Variants in RYR3 observed in about 807,000 individuals in gnomAD.
The protein encoded by RYR3 is ryanodine receptor 3.
In RYR3, 207 loss-of-function variants were observed where a neutral mutation model predicts 584.3. That is an observed-to-expected ratio of 0.35 (90% confidence interval 0.32 to 0.40). The LOEUF is 0.40. Ranked by LOEUF, RYR3 falls within the 10% of genes least tolerant of loss-of-function variation. The probability of loss-of-function intolerance (pLI) is 1.00; values close to 1 mark genes in which losing one functional copy is unlikely to be tolerated. For missense variants in RYR3, 5,616 were observed against 6,089.2 expected (o/e 0.92, Z 2.59); for synonymous variants, 2,416 against 2,248.5 (o/e 1.07, Z -2.11).
intron 4 of RYR3, among the ~76,000 whole-genome samples, chr15:33,532,303 A>G (rs2054948651): frequency 6.6e-6 from 1 of 152,196 alleles, no homozygotes; most frequent in Admixed American, 6.5e-5. Flanking sequence ...TATCTTTATA[A>G]TAAGAAAAAG....
At chr15:33,646,079 C>A (rs1438511997) in intron 28 of RYR3, among the ~76,000 whole-genome samples, 1 of 152,184 alleles carries the variant, frequency 6.6e-6, no homozygotes, top group South Asian at 2.1e-4. Context: ...GATGCCACCC[C>A]CCTCTGGCAT....
chr15:33,714,123 CCA>C (rs2067318080), intron 43 of RYR3, among the ~76,000 whole-genome samples: 1 of 152,082 alleles, frequency 6.6e-6, no homozygotes. Context: ...CAGTTTGACT[CCA>C]GAGGCCACAG....
intron 1 of RYR3, among the ~76,000 whole-genome samples, chr15:33,425,883 C>T (rs1479621394): frequency 6.6e-6 from 1 of 152,038 alleles, no homozygotes; most frequent in Non-Finnish European, 1.5e-5. Context: ...ACCTCGTGAT[C>T]CGCCCGCCTT....
chr15:33,800,805 A>T lies in RYR3; in HGVS notation c.9866A>T (p.Asp3289Val). ...NWLKSPDADS[D>V]QLFRMVAEVF... is the part of the protein sequence containing the mutation. ...CTGAAAAGTCCTGATGCTGATTCTG[A>T]CCAGCTCTTCCGCATGGTGGCAGAA... Residue 3289 changes from aspartate (D) to valine (V), a missense_variant, in exon 68 of 104, where the codon GAC becomes GTC. Transcript: ENST00000634891. 4 of 1,613,858 alleles carry T rather than the reference A, an allele frequency of 2.5e-6. No individual in the cohort carries two copies. Among genetic ancestry groups the T allele is most frequent in the African/African-American group, 1.3e-5 (1 of 75,038 alleles).
chr15:33,669,516 CT>C, intron 37 of RYR3, 60 bp downstream of exon 37: 1 of 1,450,092 alleles, frequency 6.9e-7, no homozygotes, highest in Non-Finnish European at 9.7e-7. Context: ...TTTTTGATTC[CT>C]TCATTAGAAA....
intron 2 of RYR3, among the ~76,000 whole-genome samples, chr15:33,475,079 T>C (rs2049262351): frequency 6.6e-6 from 1 of 152,170 alleles, no homozygotes; most frequent in East Asian, 1.9e-4. Context: ...TGTTTTTCAT[T>C]CCCGGCAGTC....
chr15:33,505,514 C>T (rs1396729491), intron 3 of RYR3, among the ~76,000 whole-genome samples: 1 of 152,142 alleles, frequency 6.6e-6, no homozygotes, highest in Admixed American at 6.5e-5. Context: ...GTTGTTGAGA[C>T]GGAGTCTTGC....
chr15:33,807,033 G>A (rs141884550), intron 69 of RYR3, among the ~76,000 whole-genome samples: 2 of 151,988 alleles, frequency 1.3e-5, no homozygotes, highest in African/African-American at 4.8e-5. Context: ...TGACAGGCAT[G>A]AGCCACTGTG....
intron 18 of RYR3, among the ~76,000 whole-genome samples, chr15:33,609,128 C>T (rs1348610155): frequency 6.6e-6 from 1 of 152,164 alleles, no homozygotes; most frequent in African/African-American, 2.4e-5. Flanking sequence ...GCAGTTTTGT[C>T]CCAGTTTGTA....
chr15:33,374,640 T>C (rs573428451), intron 1 of RYR3, among the ~76,000 whole-genome samples: 1 of 152,178 alleles, frequency 6.6e-6, no homozygotes, highest in Non-Finnish European at 1.5e-5. Flanking sequence ...CTGAATTTAA[T>C]CTCATTGGGG....
intron 3 of RYR3, among the ~76,000 whole-genome samples, chr15:33,523,348 C>A (rs1044248731): frequency 6.6e-6 from 1 of 152,132 alleles, no homozygotes; most frequent in Non-Finnish European, 1.5e-5. Context: ...TCTTTGGGTC[C>A]ACACTACCTT....
chr15:33,824,797 C>G (rs965792914), intron 81 of RYR3, among the ~76,000 whole-genome samples: 2 of 152,162 alleles, frequency 1.3e-5, no homozygotes, highest in Non-Finnish European at 2.9e-5. Flanking sequence ...TTCCTAAGAG[C>G]TATGTTCTAT....
In RYR3 at chr15:33,535,617, A is replaced by G. The variant is rs183128452; in HGVS notation, c.433+2228A>G. On this transcript the variant is annotated intron_variant, in intron 5 of 103. Coordinates refer to ENST00000634891, the MANE Select transcript of RYR3 (RefSeq NM_001036.6). ...AAGAATATGATCAGAAAAGTCAAAT[A>G]TGGTCACTGTATTTATATCAGTAAA... 6.5e-4 allele frequency among the ~76,000 whole-genome samples: 99 copies of G among 152,362 alleles called. 1 individual carries two copies. The highest frequency in any genetic ancestry group is 1.0e-4 in the Non-Finnish European group (7 of 68,038).
At chr15:33,611,322 C>T (rs1005527525) in intron 18 of RYR3, among the ~76,000 whole-genome samples, 11 of 151,988 alleles carry the variant, frequency 7.2e-5, no homozygotes, top group African/African-American at 1.2e-4. Flanking sequence ...TTTGGGAAGC[C>T]AAGGCAGGCA....
At chr15:33,853,182 G>A in intron 95 of RYR3, 95 bp downstream of exon 95, 1 of 1,088,008 alleles carries the variant, frequency 9.2e-7, no homozygotes, top group Non-Finnish European at 1.3e-6. Flanking sequence ...TAAATGTGAT[G>A]CTACTTTTAT....
Position 33,373,543 on chromosome 15 carries a change from G to T in RYR3, c.51+62447G>T, listed in dbSNP as rs62013805. On this transcript the variant is annotated intron_variant, in intron 1 of 103. Transcript: ENST00000634891. ...TTGTTATTAGAATACACCACAGAGT[G>T]GAACCTCAATATATATTTCTAGGCA... Among the ~76,000 whole-genome samples, 1,275 of 152,290 alleles carry T rather than the reference G, an allele frequency of 8.4e-3. 8 individuals are homozygous for T. The highest frequency in any genetic ancestry group is 0.014 in the Non-Finnish European group (919 of 68,026).
chr15:33,317,018 A>G (rs1006456151), intron 1 of RYR3, among the ~76,000 whole-genome samples: 1 of 152,200 alleles, frequency 6.6e-6, no homozygotes, highest in African/African-American at 2.4e-5. Flanking sequence ...GATAATCTTC[A>G]AAAGGCCAGG....
At chr15:33,597,550 G>C (rs1374777106) in intron 16 of RYR3, among the ~76,000 whole-genome samples, 5 of 151,360 alleles carry the variant, frequency 3.3e-5, no homozygotes, top group African/African-American at 7.3e-5. Flanking sequence ...GGCGGAGGTT[G>C]CAGTGAGCCA....
rs774923611 is a variant in RYR3, at chr15:33,748,072, G to A, written c.7990-42G>A. On this transcript the variant is annotated intron_variant, in intron 53 of 103. Transcript: ENST00000634891. ...CGGAGATGGGCCAGGGAGAATGCTGGGGTGTGTTCTGCAAAGTGCTTCTGC... is the reference window on the plus strand; with the variant it reads ...CGGAGATGGGCCAGGGAGAATGCTGAGGTGTGTTCTGCAAAGTGCTTCTGC... The A allele has an allele frequency of 1.8e-5, 29 of 1,604,194 alleles. No individual in the cohort carries two copies. In the South Asian group the frequency reaches 3.2e-4, roughly 18 times the overall value.
Sources: gnomAD v4.1 joint callset for allele counts (sites outside exome capture counted in the v4.1 genomes callset) on GRCh38, gnomAD v4.1.1 for gene constraint, MANE v1.5 for transcripts, NCBI Gene and HGNC (gene_info 2026-07-23, HGNC 2026-07-21) for gene names.